LUC7L2: variants seen among roughly 807,000 people sequenced by gnomAD.
LUC7L2 encodes the protein putative RNA-binding protein Luc7-like 2.
LUC7L2 carries 25 observed loss-of-function variants against 52.8 expected under a neutral mutation model. That is an observed-to-expected ratio of 0.47 (90% confidence interval 0.34 to 0.66). LUC7L2 has a LOEUF of 0.66. Ranked by LOEUF, LUC7L2 falls within the 30% of genes least tolerant of loss-of-function variation. The probability of loss-of-function intolerance (pLI) is 0.01; values close to 1 mark genes in which losing one functional copy is unlikely to be tolerated. For missense variants in LUC7L2, 328 were observed against 497.8 expected (o/e 0.66, Z 3.25); for synonymous variants, 144 against 160.9 (o/e 0.89, Z 0.80).
intron 2 of LUC7L2, among the ~76,000 whole-genome samples, chr7:139,386,426 A>G (rs1415350137): frequency 9.1e-5 from 6 of 66,244 alleles, no homozygotes; most frequent in African/African-American, 5.6e-4. Flanking sequence ...TTTTTTTGAG[A>G]TGGAGTCTCA....
intron 2 of LUC7L2, among the ~76,000 whole-genome samples, chr7:139,388,794 ATACT>A (rs925461172): frequency 6.6e-6 from 1 of 151,912 alleles, no homozygotes; most frequent in African/African-American, 2.4e-5. Flanking sequence ...CATGTTTGAA[ATACT>A]TGAAACCCTG....
At chr7:139,380,565 A>G (rs1268834003) in intron 2 of LUC7L2, among the ~76,000 whole-genome samples, 1 of 152,170 alleles carries the variant, frequency 6.6e-6, no homozygotes, top group Non-Finnish European at 1.5e-5. Flanking sequence ...GTGCCACTGC[A>G]CTCCAGCCTG....
intron 9 of LUC7L2, among the ~76,000 whole-genome samples, chr7:139,419,130 C>CAAAAAAA (rs571694948): frequency 7.2e-6 from 1 of 139,292 alleles, no homozygotes. Context: ...AAAAAACAAA[C>CAAAAAAA]AAAAAAAAAA....
At chr7:139,367,500 G>A (rs964649986) in intron 1 of LUC7L2, among the ~76,000 whole-genome samples, 1 of 152,218 alleles carries the variant, frequency 6.6e-6, no homozygotes, top group East Asian at 1.9e-4. Flanking sequence ...TTGCAAAATG[G>A]GAACTTTTTT....
intron 2 of LUC7L2, among the ~76,000 whole-genome samples, chr7:139,385,619 C>T (rs1794163309): frequency 1.3e-5 from 2 of 152,112 alleles, no homozygotes; most frequent in African/African-American, 4.8e-5. Flanking sequence ...CTGTACCCAG[C>T]TGTAAGATGA....
intron 1 of LUC7L2, chr7:139,375,336 G>A: frequency 1.0e-6 from 1 of 985,344 alleles, no homozygotes; most frequent in Non-Finnish European, 1.2e-6. Context: ...ACCCAGTTTG[G>A]CAGTATGAAA....
At chr7:139,410,316 A>AT (rs1795307658) in intron 7 of LUC7L2, among the ~76,000 whole-genome samples, 1 of 151,288 alleles carries the variant, frequency 6.6e-6, no homozygotes. Context: ...TTTATGATGT[A>AT]TTTTGTTAAC....
At chr7:139,400,983 C>T (rs1317392674) in intron 3 of LUC7L2, among the ~76,000 whole-genome samples, 3 of 152,146 alleles carry the variant, frequency 2.0e-5, no homozygotes, top group Non-Finnish European at 4.4e-5. Flanking sequence ...TTAGTTCAAA[C>T]ATTTGTATCT....
At chr7:139,379,549 C>CTTTTTTTTTTTTTTTTTTTT (rs539771697) in intron 2 of LUC7L2, among the ~76,000 whole-genome samples, 1 of 52,722 alleles carries the variant, frequency 1.9e-5, no homozygotes, top group African/African-American at 8.7e-5. Context: ...ATAACTAATG[C>CTTTTTTTTTTTTTTTTTTTT]TTTTTTTTTT....
Position 139,398,629 on chromosome 7 carries a change from C to T in LUC7L2, c.187C>T (p.His63Tyr). 1 of 1,612,456 alleles carries T rather than the reference C, an allele frequency of 6.2e-7. No individual in the cohort carries two copies. Among genetic ancestry groups the T allele is most frequent in the Non-Finnish European group, 8.5e-7 (1 of 1,179,458 alleles). ...RMDLGECLKV[H>Y]DLALRADYEI... ...GGATCTTGGAGAATGTCTGAAAGTCCATGACCTGGCTTTAAGAGCGGATTA... is the reference window on the plus strand; with the variant it reads ...GGATCTTGGAGAATGTCTGAAAGTCTATGACCTGGCTTTAAGAGCGGATTA... The change falls in exon 3 of 10, where the codon CAT becomes TAT. Residue 63 changes from histidine (H) to tyrosine (Y), a missense_variant. Around this residue, in one of 2 missense-constraint regions of LUC7L2, gnomAD observed 133 missense variants for 274.4 expected, o/e 0.48. Transcript: ENST00000354926.
intron 2 of LUC7L2, among the ~76,000 whole-genome samples, chr7:139,389,177 C>T (rs999567106): frequency 6.6e-6 from 1 of 151,396 alleles, no homozygotes; most frequent in Non-Finnish European, 1.5e-5. Context: ...TGCCCTTTGT[C>T]TCTTTCTTCT....
At chr7:139,392,368 C>A in intron 2 of LUC7L2, 1 of 340,864 alleles carries the variant, frequency 2.9e-6, no homozygotes, top group South Asian at 2.2e-5. Flanking sequence ...AAATAACATT[C>A]ACTTTTGGAA....
chr7:139,343,926 CAA>C (rs1163028006), intron 1 of LUC7L2, among the ~76,000 whole-genome samples: 16 of 104,876 alleles, frequency 1.5e-4, no homozygotes, highest in Admixed American at 2.2e-4. Context: ...ACCCTGTCCC[CAA>C]AAAAAAAAAA....
intron 1 of LUC7L2, among the ~76,000 whole-genome samples, chr7:139,350,176 C>T (rs2131155126): frequency 6.6e-6 from 1 of 152,196 alleles, no homozygotes; most frequent in African/African-American, 2.4e-5. Context: ...GGCTGGAGTG[C>T]AGTGGCGCGA....
intron 1 of LUC7L2, among the ~76,000 whole-genome samples, chr7:139,364,671 A>G (rs1477782971): frequency 6.6e-6 from 1 of 152,218 alleles, no homozygotes; most frequent in Non-Finnish European, 1.5e-5. Flanking sequence ...CTTGTTGCTA[A>G]TGTAAGGTTA....
At chr7:139,396,181 C>T (rs1794656982) in intron 2 of LUC7L2, among the ~76,000 whole-genome samples, 1 of 152,072 alleles carries the variant, frequency 6.6e-6, no homozygotes, top group Admixed American at 6.6e-5. Context: ...TTGCTCATAC[C>T]TGTAATCCAG....
chr7:139,377,574 A>G (rs1391933217), intron 2 of LUC7L2, among the ~76,000 whole-genome samples: 1 of 151,760 alleles, frequency 6.6e-6, no homozygotes, highest in Non-Finnish European at 1.5e-5. Context: ...TTGTATTTTT[A>G]GTAGAGATGA....
chr7:139,423,129 TAATAA>T lies in LUC7L2; in HGVS notation c.*793_*797del, dbSNP rs1795968797. ...CACCCTTATTGTAAAAAAATAATAA[TAATAA>T]AATGAAAGAAACAATCACCACCACC... is the stretch of plus-strand genomic sequence containing the variant. On this transcript the variant is annotated 3_prime_UTR_variant, in exon 10 of 10. Coordinates refer to ENST00000354926, the MANE Select transcript of LUC7L2 (RefSeq NM_016019.5). The T allele has an allele frequency of 7.5e-6, 3 of 398,884 alleles. No individual in the cohort carries two copies. The highest frequency in any genetic ancestry group is 1.3e-5 in the Non-Finnish European group (3 of 226,066). 24.7% of individuals were successfully genotyped at this position (398,884 alleles called of 1,614,324 possible).
chr7:139,383,721 GTCTTTTTTTTTTTCTTTTT>G (rs1794061937), intron 2 of LUC7L2, among the ~76,000 whole-genome samples: 1 of 118,054 alleles, frequency 8.5e-6, no homozygotes, highest in African/African-American at 5.9e-5. Flanking sequence ...CGGCCTTGAT[GTCTTTTTTTTTTTCTTTTT>G]TCTTTTTTTT....
Sources: gnomAD v4.1 joint callset for allele counts (sites outside exome capture counted in the v4.1 genomes callset) on GRCh38, gnomAD v4.1.1 for gene constraint, gnomAD v4.1.1 regional missense constraint, MANE v1.5 for transcripts, NCBI Gene and HGNC (gene_info 2026-07-23, HGNC 2026-07-21) for gene names.